BCKDHB: variants seen among roughly 807,000 people sequenced by gnomAD.
BCKDHB encodes branched chain keto acid dehydrogenase E1 subunit beta, also known as 2-oxoisovalerate dehydrogenase subunit beta, mitochondrial.
A neutral mutation model predicts 48.5 loss-of-function variants in BCKDHB; 41 were observed. That is an observed-to-expected ratio of 0.85 (90% CI 0.66 to 1.10). The LOEUF is 1.10. Among genes scored for constraint, BCKDHB ranks in the 50% least tolerant of loss-of-function variants. BCKDHB has a pLI of 0.00. For missense variants in BCKDHB, 496 were observed against 494.2 expected (o/e 1.00, Z -0.03); for synonymous variants, 201 against 174.8 (o/e 1.15, Z -1.18).
chr6:80,394,803 A>G, the BCKDHB span, among the ~76,000 whole-genome samples: 153 of 152,164 alleles, frequency 1.0e-3, 1 homozygote, highest in Middle Eastern at 6.8e-3. Context: ...CTCATCTTGT[A>G]TTGTAGTTCC....
chr6:80,362,175 G>A, the BCKDHB span, among the ~76,000 whole-genome samples: 1 of 152,020 alleles, frequency 6.6e-6, no homozygotes, highest in Non-Finnish European at 1.5e-5. Flanking sequence ...CTGGGAAAGC[G>A]GCTGCTTATT....
chr6:80,454,953 A>C, the BCKDHB span, among the ~76,000 whole-genome samples: 1 of 152,326 alleles, frequency 6.6e-6, no homozygotes, highest in East Asian at 1.9e-4. Context: ...TATTCTTTAG[A>C]ATTGAGCTTT....
chr6:80,221,442 G>A (rs1582387180), intron 8 of BCKDHB, among the ~76,000 whole-genome samples: 1 of 152,032 alleles, frequency 6.6e-6, no homozygotes, highest in African/African-American at 2.4e-5. Flanking sequence ...TTTCTCTATT[G>A]CATTTTCTTA....
Position 80,344,014 on chromosome 6 carries a change from GTTC to G in BCKDHB, c.*212_*214del. The stretch of plus-strand genomic sequence containing the variant: ...TATTTACATTTTTGTTGTTGTTGTT[GTTC>G]TGAGATGGAGTCTCACTCTGTCGCC... On this transcript the variant is annotated 3_prime_UTR_variant, in exon 10 of 10. Coordinates refer to ENST00000320393, the MANE Select transcript of BCKDHB (RefSeq NM_183050.4). The G allele has an allele frequency of 2.1e-6, 1 of 465,522 alleles. No homozygotes were observed. Among genetic ancestry groups the G allele is most frequent in the South Asian group, 2.1e-5 (1 of 48,748 alleles). 28.8% of individuals were successfully genotyped at this position (465,522 alleles called of 1,614,324 possible). A position where few individuals can be genotyped will look rare whatever the true frequency, so the allele number is the denominator to read the frequency against.
At chr6:80,414,670 C>T in the BCKDHB span, among the ~76,000 whole-genome samples, 1 of 151,994 alleles carries the variant, frequency 6.6e-6, no homozygotes, top group Non-Finnish European at 1.5e-5. Context: ...TAGCCTTGTA[C>T]AATTTTAAGT....
the BCKDHB span, among the ~76,000 whole-genome samples, chr6:80,412,369 A>G: frequency 1.3e-5 from 2 of 149,228 alleles, no homozygotes; most frequent in Non-Finnish European, 3.0e-5. Context: ...CTGGTCTTGA[A>G]CTCCTGACCT....
At chr6:80,332,053 T>G (rs543867396) in intron 9 of BCKDHB, among the ~76,000 whole-genome samples, 1 of 152,338 alleles carries the variant, frequency 6.6e-6, no homozygotes, top group South Asian at 2.1e-4. Context: ...TTAAAAGCTG[T>G]GCTTCGCAGG....
intron 9 of BCKDHB, among the ~76,000 whole-genome samples, chr6:80,287,202 A>G (rs1395380220): frequency 6.6e-6 from 1 of 152,242 alleles, no homozygotes; most frequent in Non-Finnish European, 1.5e-5. Context: ...GTAATGGAAT[A>G]ATGATGACCA....
In BCKDHB at chr6:80,310,201, A is replaced by C. The variant is rs181776492; in HGVS notation, c.1039-33463A>C. On this transcript the variant is annotated intron_variant, in intron 9 of 9. Coordinates refer to ENST00000320393, the MANE Select transcript of BCKDHB (RefSeq NM_183050.4). ...TGCTACACAGATCATCCCATCACCC[A>C]AGTATTAAGCCCAGCATCTATTAGC... is the stretch of plus-strand genomic sequence containing the variant. 3.5e-4 allele frequency among the ~76,000 whole-genome samples: 53 copies of C among 152,212 alleles called. 1 individual carries two copies. The East Asian group carries it at 7.9e-3, about 23-fold the overall frequency.
intron 3 of BCKDHB, among the ~76,000 whole-genome samples, chr6:80,155,467 C>T (rs1771993934): frequency 6.6e-6 from 1 of 152,122 alleles, no homozygotes; most frequent in East Asian, 1.9e-4. Context: ...CAGTTACTGG[C>T]TATTGACTTT....
the BCKDHB span, among the ~76,000 whole-genome samples, chr6:80,413,473 C>G: frequency 1.3e-5 from 2 of 152,122 alleles, no homozygotes. Flanking sequence ...TTGATAGGCT[C>G]CAGTGTGTGT....
At chr6:80,111,860 G>C (rs1310676139) in intron 1 of BCKDHB, among the ~76,000 whole-genome samples, 1 of 151,922 alleles carries the variant, frequency 6.6e-6, no homozygotes, top group Non-Finnish European at 1.5e-5. Flanking sequence ...TAGTCTACCC[G>C]GGGGGCTACA....
intron 3 of BCKDHB, among the ~76,000 whole-genome samples, chr6:80,146,839 GA>G (rs1238735707): frequency 1.3e-5 from 2 of 152,090 alleles, no homozygotes; most frequent in African/African-American, 4.8e-5. Flanking sequence ...TCTCCAAGGA[GA>G]ATGTATTAAT....
chr6:80,408,481 G>T, the BCKDHB span, among the ~76,000 whole-genome samples: 1 of 151,946 alleles, frequency 6.6e-6, no homozygotes, highest in Non-Finnish European at 1.5e-5. Flanking sequence ...GAATCTATCT[G>T]GTCCTGGACT....
the BCKDHB span, among the ~76,000 whole-genome samples, chr6:80,393,844 A>C: frequency 3.3e-5 from 5 of 152,118 alleles, no homozygotes; most frequent in Non-Finnish European, 7.4e-5. Flanking sequence ...TTCTTGGTTT[A>C]TTTGTTTTAG....
chr6:80,250,168 C>T (rs590686), intron 8 of BCKDHB, among the ~76,000 whole-genome samples: 132,294 of 152,086 alleles, frequency 0.87, 57,796 homozygotes, highest in East Asian at 0.99. Flanking sequence ...CCACTGCCAC[C>T]ACCTCACAGC....
the BCKDHB span, among the ~76,000 whole-genome samples, chr6:80,433,719 AAAG>A: frequency 6.6e-6 from 1 of 152,160 alleles, no homozygotes; most frequent in Non-Finnish European, 1.5e-5. Context: ...TGGAAAAAAA[AAAG>A]AACTCCTGAA....
At chr6:80,307,538 A>G (rs1562219170) in intron 9 of BCKDHB, 8 of 984,864 alleles carry the variant, frequency 8.1e-6, no homozygotes, top group Non-Finnish European at 9.6e-6. Flanking sequence ...TAAAACTTAA[A>G]CGTCTCCAGA....
chr6:80,243,177 G>A (rs79603875), intron 8 of BCKDHB, among the ~76,000 whole-genome samples: 2 of 152,106 alleles, frequency 1.3e-5, no homozygotes, highest in East Asian at 3.9e-4. Context: ...ACCTGGTACT[G>A]AGACTAGAAG....
Sources: allele counts gnomAD v4.1 joint callset (sites outside exome capture counted in the v4.1 genomes callset), GRCh38; gene constraint gnomAD v4.1.1; transcripts MANE v1.5; gene names NCBI Gene and HGNC (gene_info 2026-07-23, HGNC 2026-07-21).